Variants in NDST4 observed in about 807,000 individuals in gnomAD.
NDST4 encodes the protein N-heparan sulfate sulfotransferase 4.
A neutral mutation model predicts 100.8 loss-of-function variants in NDST4; 63 were observed. The observed-to-expected ratio is 0.62, with a 90% CI of 0.51 to 0.77. The LOEUF (loss-of-function observed/expected upper bound fraction) is 0.77. NDST4 is among the 30% of genes least tolerant of loss of function. The probability of loss-of-function intolerance (pLI) is 0.00; values close to 1 mark genes in which losing one functional copy is unlikely to be tolerated. For missense variants in NDST4, 943 were observed against 1,018.4 expected, an observed-to-expected ratio of 0.93 and a Z score of 1.01; for synonymous variants, 377 against 361.8, an observed-to-expected ratio of 1.04 and a Z score of -0.48.
intron 4 of NDST4, among the ~76,000 whole-genome samples, chr4:114,940,886 C>G (rs942534926): frequency 1.3e-5 from 2 of 152,206 alleles, no homozygotes; most frequent in Non-Finnish European, 2.9e-5. Flanking sequence ...CTCTGCTGCT[C>G]TGCTCTGCTG....
chr4:114,886,465 TATTC>T (rs1319877259), intron 6 of NDST4, among the ~76,000 whole-genome samples: 1 of 152,154 alleles, frequency 6.6e-6, no homozygotes, highest in East Asian at 1.9e-4. Flanking sequence ...ATCTGCAAGT[TATTC>T]ATTATTTTGT....
intron 2 of NDST4, among the ~76,000 whole-genome samples, chr4:115,059,694 T>C (rs1461501685): frequency 6.6e-6 from 1 of 152,086 alleles, no homozygotes; most frequent in Non-Finnish European, 1.5e-5. Flanking sequence ...GGTTTCTTTT[T>C]TAAAAAGCGG....
At chr4:114,846,272 T>C (rs75257680) in intron 9 of NDST4, among the ~76,000 whole-genome samples, 2,254 of 152,314 alleles carry the variant, frequency 0.015, 61 homozygotes, top group African/African-American at 0.051. Flanking sequence ...TGGGCTGATG[T>C]TCTGTGCTAT....
At chr4:114,879,628 GTATCTTCAATGAGTAGTA>G (rs1287779090) in intron 6 of NDST4, among the ~76,000 whole-genome samples, 2 of 152,078 alleles carry the variant, frequency 1.3e-5, no homozygotes, top group Non-Finnish European at 2.9e-5. Flanking sequence ...GTTTACTGCT[GTATCTTCAATGAGTAGTA>G]AAATACCTGG....
intron 11 of NDST4, among the ~76,000 whole-genome samples, chr4:114,837,656 C>T (rs1157691121): frequency 6.6e-6 from 1 of 152,164 alleles, no homozygotes; most frequent in Non-Finnish European, 1.5e-5. Flanking sequence ...CCCTTCCTTA[C>T]ACTTTATACA....
At chr4:114,907,468 C>A (rs1190492139) in intron 6 of NDST4, among the ~76,000 whole-genome samples, 2 of 152,144 alleles carry the variant, frequency 1.3e-5, no homozygotes, top group Admixed American at 1.3e-4. Context: ...GTTACAGCAA[C>A]TTCTAGCACA....
chr4:114,886,359 C>T (rs72899260), intron 6 of NDST4, among the ~76,000 whole-genome samples: 10,618 of 152,146 alleles, frequency 0.07, 416 homozygotes, highest in African/African-American at 0.099. Context: ...ACTGAGTGTA[C>T]TTCAAATACT....
At chr4:115,024,083 C>T (rs745679757) in intron 2 of NDST4, among the ~76,000 whole-genome samples, 2 of 152,140 alleles carry the variant, frequency 1.3e-5, no homozygotes, top group Non-Finnish European at 2.9e-5. Context: ...GCATGATGAT[C>T]TTCACCTCCA....
At chr4:114,921,803 G>T (rs919002531) in intron 6 of NDST4, among the ~76,000 whole-genome samples, 9 of 152,172 alleles carry the variant, frequency 5.9e-5, no homozygotes, top group African/African-American at 2.2e-4. Context: ...CATGAAAAAA[G>T]TGAGAATAAA....
Position 115,009,269 on chromosome 4 carries a change from A to G in NDST4, c.979-31995T>C, listed in dbSNP as rs185760816. On this transcript the variant is annotated intron_variant, in intron 2 of 13. Transcript: ENST00000264363. ...AGAACAAAGCTGGAGGCATCACGCTACCTAACTTCATACTATACTACAAGG... is the reference window on the plus strand; with the variant it reads ...AGAACAAAGCTGGAGGCATCACGCTGCCTAACTTCATACTATACTACAAGG... 9.3e-5 allele frequency among the ~76,000 whole-genome samples: 12 copies of G among 129,474 alleles called. 3 individuals carry two copies. The highest frequency in any genetic ancestry group is 2.9e-4 in the African/African-American group (10 of 34,148). The allele number at this position is 129,474 out of a possible 152,430, so 84.9% of individuals were successfully genotyped here. A position where few individuals can be genotyped will look rare whatever the true frequency, so the allele number is the denominator to read the frequency against.
chr4:115,000,708 C>A (rs1172618157), intron 2 of NDST4, among the ~76,000 whole-genome samples: 2 of 152,120 alleles, frequency 1.3e-5, no homozygotes, highest in Admixed American at 1.3e-4. Context: ...ACCTTTCTGT[C>A]CTTCAAGAAT....
At chr4:114,929,105 CATCCATCCATCTATCTATCT>C (rs1321133965) in intron 6 of NDST4, among the ~76,000 whole-genome samples, 303 of 121,758 alleles carry the variant, frequency 2.5e-3, no homozygotes, top group Non-Finnish European at 4.1e-3. Context: ...TCCATCCATC[CATCCATCCATCTATCTATCT>C]ATCTATCTAT....
chr4:114,964,992 C>T (rs190133253), intron 4 of NDST4, among the ~76,000 whole-genome samples: 221 of 152,160 alleles, frequency 1.5e-3, no homozygotes, highest in African/African-American at 5.0e-3. Context: ...TAAATCTTTC[C>T]TGCACATGTG....
chr4:114,929,027 T>A (rs956064252), intron 6 of NDST4, among the ~76,000 whole-genome samples: 1 of 131,624 alleles, frequency 7.6e-6, no homozygotes, highest in East Asian at 2.0e-4. Flanking sequence ...TATCTATCTG[T>A]CTGTCTGTCT....
chr4:115,001,489 GA>G (rs1727289369), intron 2 of NDST4, among the ~76,000 whole-genome samples: 1 of 151,364 alleles, frequency 6.6e-6, no homozygotes, highest in Non-Finnish European at 1.5e-5. Flanking sequence ...CTTTTTATAC[GA>G]ATATGTAAGC....
At chr4:115,001,290 G>T (rs1331610936) in intron 2 of NDST4, among the ~76,000 whole-genome samples, 1 of 151,996 alleles carries the variant, frequency 6.6e-6, no homozygotes, top group African/African-American at 2.4e-5. Flanking sequence ...TCAGCATACA[G>T]TCAAACTAGG....
At chr4:114,902,124 A>T (rs1256515227) in intron 6 of NDST4, among the ~76,000 whole-genome samples, 1 of 152,038 alleles carries the variant, frequency 6.6e-6, no homozygotes, top group African/African-American at 2.4e-5. Flanking sequence ...TGTTAGATTA[A>T]CTAAGAATTG....
intron 1 of NDST4, among the ~76,000 whole-genome samples, chr4:115,110,138 T>C (rs921302292): frequency 6.6e-6 from 1 of 151,924 alleles, no homozygotes; most frequent in African/African-American, 2.4e-5. Flanking sequence ...AAAACTGAGA[T>C]AAAGAAAGCT....
At chr4:115,022,784 C>T (rs1560570464) in intron 2 of NDST4, among the ~76,000 whole-genome samples, 1 of 152,028 alleles carries the variant, frequency 6.6e-6, no homozygotes, top group Non-Finnish European at 1.5e-5. Flanking sequence ...TGAATGAGTG[C>T]CACAAGATCT....
Sources: gnomAD v4.1 joint callset for allele counts (sites outside exome capture counted in the v4.1 genomes callset) on GRCh38, gnomAD v4.1.1 for gene constraint, MANE v1.5 for transcripts, NCBI Gene and HGNC (gene_info 2026-07-23, HGNC 2026-07-21) for gene names.